HDX: variants seen among roughly 807,000 people sequenced by gnomAD.
HDX encodes chromosome X open reading frame 43.
A neutral mutation model predicts 45.2 loss-of-function variants in HDX; 19 were observed. The ratio of observed to expected loss-of-function variants is 0.42; its 90% CI spans 0.29 to 0.62. The LOEUF is 0.62. HDX is among the 20% of genes least tolerant of loss of function. The pLI is 0.20. For synonymous variants in HDX, 188 were observed against 172.8 expected (o/e 1.09, Z -0.69); for missense variants, 532 against 493.9 (o/e 1.08, Z -0.73).
intron 6 of HDX, among the ~76,000 whole-genome samples, chrX:84,359,557 G>T (rs1358904633): frequency 8.9e-6 from 1 of 111,814 alleles, no homozygotes; most frequent in Non-Finnish European, 1.9e-5. Flanking sequence ...ATTCCATGTT[G>T]TATATGTATC....
chrX:84,443,588 C>T lies in HDX; in HGVS notation c.1252-3003G>A, dbSNP rs140991163. 2.7e-3 allele frequency among the ~76,000 whole-genome samples: 307 copies of T among 111,735 alleles called. 1 individual carries two copies. The highest frequency in any genetic ancestry group is 9.7e-3 in the African/African-American group (299 of 30,949). ...TTTAGAATTATCAGTTCATGCCTCACCCAGAGATTTTGTCTCATTGCACTC... is the reference window on the plus strand; with the variant it reads ...TTTAGAATTATCAGTTCATGCCTCATCCAGAGATTTTGTCTCATTGCACTC... On this transcript the variant is annotated intron_variant, in intron 4 of 10. Coordinates refer to ENST00000373177, the MANE Select transcript of HDX (RefSeq NM_001177479.2).
At chrX:84,421,648 A>C (rs2148012481) in intron 5 of HDX, among the ~76,000 whole-genome samples, 1 of 109,678 alleles carries the variant, frequency 9.1e-6, no homozygotes, top group Non-Finnish European at 1.9e-5. Context: ...AAAAAAAAAA[A>C]CCATTGATCT....
At chrX:84,485,533 G>A (rs1181079407) in intron 2 of HDX, among the ~76,000 whole-genome samples, 1 of 111,347 alleles carries the variant, frequency 9.0e-6, no homozygotes, top group African/African-American at 3.3e-5. Flanking sequence ...GAGTAGCTGG[G>A]ATTATAGGCA....
chrX:84,469,612 T>A, intron 3 of HDX, 37 bp from the exon 4 acceptor site: 1 of 1,099,811 alleles, frequency 9.1e-7, no homozygotes, highest in East Asian at 3.1e-5. Flanking sequence ...AAAAAAAAAT[T>A]AAAAACAAAC....
chrX:84,358,157 C>G (rs1401632289), intron 6 of HDX, among the ~76,000 whole-genome samples: 1 of 111,653 alleles, frequency 9.0e-6, no homozygotes, highest in Non-Finnish European at 1.9e-5. Context: ...CTTTTTAATA[C>G]TTACAGCTAA....
intron 5 of HDX, among the ~76,000 whole-genome samples, chrX:84,431,542 T>C (rs1306122314): frequency 9.0e-6 from 1 of 111,591 alleles, no homozygotes; most frequent in Non-Finnish European, 1.9e-5. Context: ...ATAATAGCTA[T>C]TCTGACTAGT....
At chrX:84,346,759 T>C (rs11796381) in intron 6 of HDX, among the ~76,000 whole-genome samples, 7,593 of 111,540 alleles carry the variant, frequency 0.068, 240 homozygotes, top group Non-Finnish European at 0.1. Context: ...TAGATTTAAA[T>C]ATAAAAAATA....
chrX:84,487,834 G>A (rs1303811248), intron 2 of HDX, among the ~76,000 whole-genome samples, 190 bp downstream of exon 2: 2 of 112,234 alleles, frequency 1.8e-5, no homozygotes, highest in Non-Finnish European at 3.8e-5. Flanking sequence ...TGCAACTGGA[G>A]CCACCATTGA....
chrX:84,459,674 GA>G (rs200553979), intron 4 of HDX, among the ~76,000 whole-genome samples: 23,791 of 102,195 alleles, frequency 0.23, 2,186 homozygotes, highest in Non-Finnish European at 0.29. Context: ...AAAGTTATTA[GA>G]AAAAAAAAAT....
Position 84,414,699 on chromosome X carries a change from A to G in HDX, c.1305+25833T>C, listed in dbSNP as rs181767064. On this transcript the variant is annotated intron_variant, in intron 5 of 10. Coordinates refer to ENST00000373177, the MANE Select transcript of HDX (RefSeq NM_001177479.2). ...CATGATTTGGGTATCATAAACCAGAAAAGACTTGAGTTCTAATCCACATTC... is the reference window on the plus strand; with the variant it reads ...CATGATTTGGGTATCATAAACCAGAGAAGACTTGAGTTCTAATCCACATTC... Among the ~76,000 whole-genome samples the G allele has an allele frequency of 3.5e-3, 393 of 111,605 alleles. 3 individuals are homozygous for G. The highest frequency in any genetic ancestry group is 0.012 in the African/African-American group (379 of 30,761).
At chrX:84,408,841 C>A (rs1329466752) in intron 5 of HDX, among the ~76,000 whole-genome samples, 1 of 109,928 alleles carries the variant, frequency 9.1e-6, no homozygotes, top group Non-Finnish European at 1.9e-5. Context: ...AATGGAGTTG[C>A]ATTCTTGATT....
chrX:84,421,201 C>A lies in HDX; in HGVS notation c.1305+19331G>T, dbSNP rs776164727. On this transcript the variant is annotated intron_variant, in intron 5 of 10. Coordinates refer to ENST00000373177, the MANE Select transcript of HDX (RefSeq NM_001177479.2). ...TAGAAAGAATAAATAATGAACCAAT[C>A]AAAAATAATGACAACTTCTCAAGAC... Among the ~76,000 whole-genome samples the A allele has an allele frequency of 5.4e-5, 6 of 111,179 alleles. No homozygotes were observed. The East Asian group carries it at 8.5e-4, about 16-fold the overall frequency.
At chrX:84,362,191 C>T (rs1490547600) in intron 5 of HDX, among the ~76,000 whole-genome samples, 3 of 111,185 alleles carry the variant, frequency 2.7e-5, no homozygotes, top group Non-Finnish European at 5.7e-5. Flanking sequence ...TTTATGGCCT[C>T]GTCAAGTTTC....
intron 4 of HDX, among the ~76,000 whole-genome samples, chrX:84,446,371 A>G (rs963541925): frequency 2.9e-4 from 32 of 112,082 alleles, no homozygotes; most frequent in Non-Finnish European, 4.0e-4. Context: ...AGTGTATTAC[A>G]TGCACATTCA....
intron 5 of HDX, among the ~76,000 whole-genome samples, chrX:84,391,972 TTG>T (rs1216307573): frequency 8.9e-6 from 1 of 111,832 alleles, no homozygotes; most frequent in Admixed American, 9.5e-5. Context: ...TTGTGTTTTG[TTG>T]TCTGTGCCTT....
chrX:84,385,837 GT>G (rs764533335), intron 5 of HDX, among the ~76,000 whole-genome samples: 2,599 of 73,350 alleles, frequency 0.035, 75 homozygotes, highest in African/African-American at 0.12. Flanking sequence ...TACTTGAATG[GT>G]TTTTTTTTTT....
At chrX:84,332,053 C>G (rs761276708) in intron 9 of HDX, among the ~76,000 whole-genome samples, 4 of 111,309 alleles carry the variant, frequency 3.6e-5, no homozygotes, top group Non-Finnish European at 7.5e-5. Flanking sequence ...AACTAGGGTA[C>G]AACATTTTCT....
At chrX:84,471,667 T>C (rs2040458447) in intron 3 of HDX, among the ~76,000 whole-genome samples, 1 of 109,706 alleles carries the variant, frequency 9.1e-6, no homozygotes, top group African/African-American at 3.3e-5. Context: ...GGCCATTTTA[T>C]TTTTATAATT....
At chrX:84,346,644 T>G (rs770826220) in intron 6 of HDX, among the ~76,000 whole-genome samples, 187 of 111,003 alleles carry the variant, frequency 1.7e-3, no homozygotes, top group African/African-American at 5.9e-3. Flanking sequence ...GAAGTGCAGT[T>G]TTTTCAAGAA....
Sources: gnomAD v4.1 joint callset for allele counts (sites outside exome capture counted in the v4.1 genomes callset) on GRCh38, gnomAD v4.1.1 for gene constraint, MANE v1.5 for transcripts, NCBI Gene and HGNC (gene_info 2026-07-23, HGNC 2026-07-21) for gene names.